FLT1: variants seen among roughly 807,000 people sequenced by gnomAD.
FLT1 encodes vascular endothelial growth factor receptor 1.
In FLT1, 49 loss-of-function variants were observed where a neutral mutation model predicts 156.3. The observed-to-expected ratio is 0.31, with a 90% confidence interval of 0.25 to 0.40. The LOEUF is 0.40. FLT1 is among the 10% of genes least tolerant of loss of function. FLT1 has a pLI of 1.00. For missense variants in FLT1, 1,322 were observed against 1,637.2 expected (o/e 0.81, Z 3.32); for synonymous variants, 594 against 583.8 (o/e 1.02, Z -0.25).
intron 15 of FLT1, among the ~76,000 whole-genome samples, chr13:28,354,826 A>G (rs1029997628): frequency 4.6e-5 from 7 of 152,100 alleles, no homozygotes; most frequent in Non-Finnish European, 8.8e-5. Context: ...ATTCCATTAT[A>G]TATGCCATAT....
At position 28,439,211 on chromosome 13, in the gene FLT1, C is replaced by A. The variant is rs1315199459; in HGVS notation, c.389-866G>T. 1.3e-5 allele frequency among the ~76,000 whole-genome samples: 2 copies of A among 152,154 alleles called. No individual in the cohort carries two copies. Among genetic ancestry groups the A allele is most frequent in the Non-Finnish European group, 2.9e-5 (2 of 68,040 alleles). ...CATTCTCAGTCTACCCTGCCCTTGC[C>A]CTCGGGAATCTATTGACATCCTCAG... On this transcript the variant is annotated intron_variant, in intron 3 of 29. Transcript: ENST00000282397. The surrounding 1 kb of genome is among the most constrained non-coding windows in gnomAD (Gnocchi z 4.1).
At chr13:28,470,055 A>T (rs180760455) in intron 1 of FLT1, among the ~76,000 whole-genome samples, 6 of 152,268 alleles carry the variant, frequency 3.9e-5, no homozygotes, top group African/African-American at 1.4e-4. Flanking sequence ...CTAAATTAAT[A>T]TATTAAAAGT....
intron 3 of FLT1, among the ~76,000 whole-genome samples, chr13:28,457,485 G>C (rs1879331176): frequency 6.6e-6 from 1 of 152,288 alleles, no homozygotes; most frequent in African/African-American, 2.4e-5. Context: ...GGTGTTTACT[G>C]CTTTAGTAAG....
chr13:28,460,999 G>A (rs568559774), intron 3 of FLT1, among the ~76,000 whole-genome samples: 2 of 152,024 alleles, frequency 1.3e-5, no homozygotes, highest in Admixed American at 1.3e-4. Context: ...GTTTCACTAC[G>A]TTGCCCAGGC....
chr13:28,315,566 AC>A (rs1173549616), intron 25 of FLT1, among the ~76,000 whole-genome samples: 1 of 152,196 alleles, frequency 6.6e-6, no homozygotes, highest in African/African-American at 2.4e-5. Context: ...AAAAAAACAA[AC>A]AAAAAAACCC....
At chr13:28,311,250 C>A (rs1019197592) in intron 27 of FLT1, among the ~76,000 whole-genome samples, 7 of 152,210 alleles carry the variant, frequency 4.6e-5, no homozygotes, top group African/African-American at 1.7e-4. Flanking sequence ...AGCCACTGTG[C>A]CCAGCAACAA....
chr13:28,342,767 TG>T (rs1363829051), intron 16 of FLT1, among the ~76,000 whole-genome samples: 2 of 152,228 alleles, frequency 1.3e-5, no homozygotes, highest in African/African-American at 4.8e-5. Flanking sequence ...TTCATATTTT[TG>T]GAATAATTTA....
chr13:28,339,347 A>G, intron 16 of FLT1, 47 bp from the exon 17 acceptor site: 1 of 1,600,862 alleles, frequency 6.2e-7, no homozygotes, highest in Non-Finnish European at 8.5e-7. Context: ...AAACAACTTT[A>G]CAAATCCTAG....
chr13:28,430,948 G>A (rs1260718629), intron 7 of FLT1, among the ~76,000 whole-genome samples, 188 bp downstream of exon 7: 1 of 152,128 alleles, frequency 6.6e-6, no homozygotes, highest in Non-Finnish European at 1.5e-5. Flanking sequence ...CAATTCAAAA[G>A]TATTAAATGT....
At chr13:28,324,392 A>C (rs1352565245) in intron 20 of FLT1, among the ~76,000 whole-genome samples, 2 of 152,106 alleles carry the variant, frequency 1.3e-5, no homozygotes, top group Non-Finnish European at 2.9e-5. Context: ...CCTCCACTAG[A>C]GGGCACAGTG....
At chr13:28,307,648 T>C (rs919853219) in intron 28 of FLT1, among the ~76,000 whole-genome samples, 1 of 101,484 alleles carries the variant, frequency 9.9e-6, no homozygotes, top group Non-Finnish European at 1.9e-5. Context: ...TTGTGGTTTT[T>C]CGTTTTTGAT....
intron 10 of FLT1, among the ~76,000 whole-genome samples, chr13:28,406,796 T>G (rs1474321607): frequency 6.6e-6 from 1 of 152,116 alleles, no homozygotes; most frequent in African/African-American, 2.4e-5. Context: ...TAAGTGAAAT[T>G]TTCAAGCTTC....
chr13:28,329,981 G>C (rs1253335996), intron 18 of FLT1, among the ~76,000 whole-genome samples: 1 of 152,212 alleles, frequency 6.6e-6, no homozygotes, highest in Non-Finnish European at 1.5e-5. Context: ...GGTGGACCTA[G>C]TTCTCTTCAG....
intron 26 of FLT1, 25 bp from the exon 27 acceptor site, chr13:28,311,757 C>T (rs778937990): frequency 3.7e-6 from 6 of 1,612,940 alleles, no homozygotes; most frequent in South Asian, 1.1e-5. Flanking sequence ...GTAGAGCTCT[C>T]GTTGCACCAA....
intron 14 of FLT1, among the ~76,000 whole-genome samples, chr13:28,380,150 A>C (rs1360011656): frequency 5.3e-5 from 8 of 152,222 alleles, no homozygotes; most frequent in Non-Finnish European, 1.2e-4. Flanking sequence ...AAGCTGGCTA[A>C]AGGCTGAGTA....
At chr13:28,381,239 C>A (rs563258036) in intron 14 of FLT1, among the ~76,000 whole-genome samples, 1 of 152,146 alleles carries the variant, frequency 6.6e-6, no homozygotes, top group Non-Finnish European at 1.5e-5. Context: ...ATTTTGTGAT[C>A]AAGTAAGTTT....
At chr13:28,400,001 A>G (rs934027593) in intron 11 of FLT1, among the ~76,000 whole-genome samples, 4 of 152,320 alleles carry the variant, frequency 2.6e-5, no homozygotes, top group Admixed American at 2.6e-4. Context: ...GAGAGATTAG[A>G]TGATTCACCC....
intron 3 of FLT1, among the ~76,000 whole-genome samples, chr13:28,462,747 C>G (rs1879652881): frequency 6.6e-6 from 1 of 152,148 alleles, no homozygotes; most frequent in African/African-American, 2.4e-5. Flanking sequence ...TTCCCTCAGC[C>G]ACTCAACCTC....
rs117667277 is a variant in FLT1 at position 28,391,782 on chromosome 13, C to G, written c.1661-1678G>C. Among the ~76,000 whole-genome samples, 794 of 152,328 alleles carry G rather than the reference C, an allele frequency of 5.2e-3. 4 individuals are homozygous for G. The highest frequency in any genetic ancestry group is 8.0e-3 in the Non-Finnish European group (543 of 68,028). ...AGCTCTTCCCCTCCGCATGCCTAAC[C>G]TGGGCCATCAGTTCACTTTGGGGCT... is the stretch of plus-strand genomic sequence containing the variant. On this transcript the variant is annotated intron_variant, in intron 12 of 29. Coordinates refer to ENST00000282397, the MANE Select transcript of FLT1 (RefSeq NM_002019.4).
Sources: allele counts gnomAD v4.1 joint callset (sites outside exome capture counted in the v4.1 genomes callset), GRCh38; gene constraint gnomAD v4.1.1; non-coding constraint Gnocchi (gnomAD v3.1); transcripts MANE v1.5; gene names NCBI Gene and HGNC (gene_info 2026-07-23, HGNC 2026-07-21).